ZFAT: variants seen among roughly 807,000 people sequenced by gnomAD.
The protein encoded by ZFAT is zinc finger and AT-hook domain containing.
A neutral mutation model predicts 117.7 loss-of-function variants in ZFAT; 64 were observed. That is an observed-to-expected ratio of 0.54 (90% CI 0.44 to 0.67). The LOEUF is 0.67. Ranked by LOEUF, ZFAT falls within the 30% of genes least tolerant of loss-of-function variation. The pLI, the probability that ZFAT is intolerant of heterozygous loss-of-function variation, is 0.00. For synonymous variants in ZFAT, 679 were observed against 615.0 expected, an observed-to-expected ratio of 1.10 and a Z score of -1.54; for missense variants, 1,433 against 1,584.5, an observed-to-expected ratio of 0.90 and a Z score of 1.62.
At chr8:134,502,832 G>A (rs1052570498) in intron 15 of ZFAT, among the ~76,000 whole-genome samples, 7 of 152,224 alleles carry the variant, frequency 4.6e-5, no homozygotes, top group Admixed American at 2.6e-4. Context: ...ATGGGGAAGA[G>A]GTGGGTGCCC....
intron 10 of ZFAT, among the ~76,000 whole-genome samples, chr8:134,580,906 A>C (rs771042625): frequency 5.9e-5 from 9 of 152,210 alleles, no homozygotes; most frequent in Non-Finnish European, 1.2e-4. Flanking sequence ...AAACTGAGGA[A>C]GGTTTCTTTT....
intron 7 of ZFAT, among the ~76,000 whole-genome samples, chr8:134,593,562 T>A (rs1383253814): frequency 6.6e-6 from 1 of 152,074 alleles, no homozygotes; most frequent in Non-Finnish European, 1.5e-5. Flanking sequence ...CTGACGGAAA[T>A]GGCCTTCAAA....
chr8:134,636,785 C>T (rs562343489), intron 3 of ZFAT, among the ~76,000 whole-genome samples: 1 of 152,366 alleles, frequency 6.6e-6, no homozygotes, highest in African/African-American at 2.4e-5. Flanking sequence ...AGACACACTA[C>T]CCCACAGCAA....
the ZFAT span, among the ~76,000 whole-genome samples, chr8:134,820,656 T>C: frequency 6.6e-6 from 1 of 152,204 alleles, no homozygotes; most frequent in Non-Finnish European, 1.5e-5. Context: ...ATGAAAAATA[T>C]CTGCTCAAAC....
intron 1 of ZFAT, among the ~76,000 whole-genome samples, chr8:134,662,632 A>C (rs1831988933): frequency 6.6e-6 from 1 of 152,248 alleles, no homozygotes; most frequent in Non-Finnish European, 1.5e-5. Context: ...GCTGGGTGAC[A>C]ATGGCCACCG....
At chr8:134,693,742 TG>T (rs1356023667) in intron 1 of ZFAT, among the ~76,000 whole-genome samples, 14 of 152,288 alleles carry the variant, frequency 9.2e-5, no homozygotes, top group African/African-American at 3.4e-4. Flanking sequence ...CAATGGGTGC[TG>T]AAACTACTGA....
Position 134,713,003 on chromosome 8 carries a change from G to C in ZFAT, c.-140C>G. On this transcript the variant is annotated 5_prime_UTR_variant, in exon 1 of 16. Coordinates refer to ENST00000377838, the MANE Select transcript of ZFAT (RefSeq NM_020863.4). The stretch of plus-strand genomic sequence containing the variant: ...TAAGAAAAGAGCCGGCGAGGTTATG[G>C]CGAATCTGCGGCATCCAACATGGCG... 1 of 1,017,706 alleles carries C rather than the reference G, an allele frequency of 9.8e-7. No homozygotes were observed. The highest frequency in any genetic ancestry group is 1.3e-6 in the Non-Finnish European group (1 of 757,240). The allele number at this position is 1,017,706 out of a possible 1,614,324, so 63.0% of individuals were successfully genotyped here.
At chr8:134,829,506 C>T in the ZFAT span, among the ~76,000 whole-genome samples, 11 of 152,220 alleles carry the variant, frequency 7.2e-5, no homozygotes, top group Non-Finnish European at 1.3e-4. Context: ...AAAGAACACA[C>T]TGATAACCCT....
At chr8:134,715,061 TTC>T (rs1814195508), upstream of ZFAT, among the ~76,000 whole-genome samples, 1 of 152,238 alleles carries the variant, frequency 6.6e-6, no homozygotes, top group African/African-American at 2.4e-5. Flanking sequence ...GTGAATCGAT[TTC>T]TGTCAGGAAA....
At chr8:134,819,489 A>G in the ZFAT span, among the ~76,000 whole-genome samples, 1 of 75,266 alleles carries the variant, frequency 1.3e-5, no homozygotes. Flanking sequence ...GAACTGCCGG[A>G]TTTACCACCC....
At chr8:134,551,657 G>C (rs1823178351) in intron 11 of ZFAT, among the ~76,000 whole-genome samples, 1 of 152,192 alleles carries the variant, frequency 6.6e-6, no homozygotes. Context: ...GCTTATTTGA[G>C]ATCATTTTAT....
intron 1 of ZFAT, among the ~76,000 whole-genome samples, chr8:134,681,292 T>G (rs1833058951): frequency 6.6e-6 from 1 of 152,128 alleles, no homozygotes; most frequent in Non-Finnish European, 1.5e-5. Flanking sequence ...CCCACACCTC[T>G]GCCCAGTACC....
chr8:134,641,620 A>C (rs1830588297), intron 2 of ZFAT, among the ~76,000 whole-genome samples: 2 of 152,212 alleles, frequency 1.3e-5, no homozygotes, highest in African/African-American at 4.8e-5. Context: ...ACAAACCCTG[A>C]GGTCTGAGCT....
At chr8:134,657,432 C>T in intron 2 of ZFAT, 129 bp downstream of exon 2, 7 of 965,266 alleles carry the variant, frequency 7.3e-6, no homozygotes, top group Non-Finnish European at 1.1e-5. Context: ...AGCATATCTA[C>T]AATTGGAGAC....
chr8:134,669,811 C>T (rs935514983), intron 1 of ZFAT, among the ~76,000 whole-genome samples: 2 of 152,134 alleles, frequency 1.3e-5, no homozygotes, highest in Non-Finnish European at 2.9e-5. Context: ...AACTGGCAAA[C>T]TGGATAAAGA....
At chr8:134,819,059 A>C in the ZFAT span, among the ~76,000 whole-genome samples, 2 of 152,218 alleles carry the variant, frequency 1.3e-5, no homozygotes, top group African/African-American at 4.8e-5. Context: ...ATTGTATAAC[A>C]ACTATATGTC....
At chr8:134,525,630 T>C (rs1310113706) in intron 12 of ZFAT, among the ~76,000 whole-genome samples, 2 of 152,184 alleles carry the variant, frequency 1.3e-5, no homozygotes, top group East Asian at 3.8e-4. Context: ...GTTTCTGTTC[T>C]ATCAGCTGAG....
intron 1 of ZFAT, among the ~76,000 whole-genome samples, chr8:134,704,049 T>C (rs1176570776): frequency 6.6e-6 from 1 of 152,140 alleles, no homozygotes; most frequent in African/African-American, 2.4e-5. Flanking sequence ...TAGGAGGCAA[T>C]GGTGACTCAA....
At chr8:134,520,803 C>T (rs535204644) in intron 13 of ZFAT, 80 bp downstream of exon 13, 52 of 1,042,122 alleles carry the variant, frequency 5.0e-5, no homozygotes, top group Admixed American at 1.1e-4. Context: ...AATGATTGTC[C>T]GTGCCCAGTA....
Sources: allele counts gnomAD v4.1 joint callset (sites outside exome capture counted in the v4.1 genomes callset), GRCh38; gene constraint gnomAD v4.1.1; transcripts MANE v1.5; gene names NCBI Gene and HGNC (gene_info 2026-07-23, HGNC 2026-07-21).